MAP3K4: variants seen among roughly 807,000 people sequenced by gnomAD.
MAP3K4 encodes mitogen-activated protein kinase kinase kinase 4, also known as MAP three kinase 1.
In MAP3K4, 67 loss-of-function variants were observed where a neutral mutation model predicts 185.6. That is an observed-to-expected ratio of 0.36 (90% CI 0.30 to 0.44). The LOEUF (loss-of-function observed/expected upper bound fraction) is 0.44. Ranked by LOEUF, MAP3K4 falls within the 20% of genes least tolerant of loss-of-function variation. The pLI is 1.00. For missense variants in MAP3K4, 1,551 were observed against 1,995.1 expected (o/e 0.78, Z 4.24); for synonymous variants, 702 against 710.4 (o/e 0.99, Z 0.19).
rs560889066 is a variant in MAP3K4, at chr6:161,008,220, T to A, written c.152+16137T>A. On this transcript the variant is annotated intron_variant, in intron 1 of 26. Coordinates refer to ENST00000392142, the MANE Select transcript of MAP3K4 (RefSeq NM_005922.4). This position sits in a 1 kb window ranked among gnomAD's most constrained non-coding sequence, Gnocchi z 4.1. ...CACTGGGTGTTTTCTGATATTTCTC[T>A]TCTAGGAAGCTGTGATCTTAATTTA... 3.3e-5 allele frequency among the ~76,000 whole-genome samples: 5 copies of A among 152,332 alleles called. No homozygotes were observed. The highest frequency in any genetic ancestry group is 1.2e-4 in the African/African-American group (5 of 41,596).
chr6:161,059,780 T>G (rs1011293470), intron 3 of MAP3K4, among the ~76,000 whole-genome samples: 1 of 152,128 alleles, frequency 6.6e-6, no homozygotes, highest in African/African-American at 2.4e-5. Context: ...TTTTACACTT[T>G]GAATCAGTTT....
chr6:161,015,672 C>T (rs1315350447), intron 1 of MAP3K4, among the ~76,000 whole-genome samples: 4 of 151,970 alleles, frequency 2.6e-5, no homozygotes, highest in Admixed American at 6.5e-5. Context: ...TCATGTGGCA[C>T]GGAGGAAGCA....
chr6:161,109,715 A>G lies in MAP3K4; in HGVS notation c.4237-40A>G. Reference sequence around the variant, plus strand: ...ATTTTTCACTAGCGTACATCTAAGGAAAACCGTAAACACAGAGCTGCCCTT... The same window carrying G: ...ATTTTTCACTAGCGTACATCTAAGGGAAACCGTAAACACAGAGCTGCCCTT... On this transcript the variant is annotated intron_variant, in intron 22 of 26. Transcript: ENST00000392142. The surrounding 1 kb of genome is among the most constrained non-coding windows in gnomAD (Gnocchi z 5.7). 1.9e-6 allele frequency: 3 copies of G among 1,612,016 alleles called. No individual in the cohort carries two copies. Among genetic ancestry groups the G allele is most frequent in the Non-Finnish European group, 2.5e-6 (3 of 1,178,480 alleles).
At chr6:161,044,019 G>A (rs1413619745) in intron 2 of MAP3K4, among the ~76,000 whole-genome samples, 2 of 152,134 alleles carry the variant, frequency 1.3e-5, no homozygotes, top group African/African-American at 2.4e-5. Flanking sequence ...TCTTATATCC[G>A]TCAGATGAAC....
intron 1 of MAP3K4, among the ~76,000 whole-genome samples, chr6:161,004,314 T>C (rs1250780422): frequency 6.6e-6 from 1 of 152,160 alleles, no homozygotes; most frequent in Non-Finnish European, 1.5e-5. Flanking sequence ...TAAATAGCAG[T>C]GTATCATTGT....
rs1303645797 is a variant in MAP3K4, at chr6:161,070,068, G to A, written c.1708-540G>A. ...TCATGCCAACCAGGTTGATCTTAAC[G>A]ATTTTTTAATTTTTCTGTCAGCATC... On this transcript the variant is annotated intron_variant, in intron 3 of 26. Coordinates refer to ENST00000392142, the MANE Select transcript of MAP3K4 (RefSeq NM_005922.4). This position sits in a 1 kb window ranked among gnomAD's most constrained non-coding sequence, Gnocchi z 4.5. Among the ~76,000 whole-genome samples the A allele has an allele frequency of 1.3e-5, 2 of 152,184 alleles. No individual in the cohort carries two copies. The highest frequency in any genetic ancestry group is 6.5e-5 in the Admixed American group (1 of 15,278).
chr6:161,006,258 T>C (rs565578480), intron 1 of MAP3K4, among the ~76,000 whole-genome samples: 5 of 152,354 alleles, frequency 3.3e-5, no homozygotes. Context: ...CTGAGCATTT[T>C]AGGACTATTC....
At position 161,098,401 on chromosome 6, in the gene MAP3K4, A is replaced by T. The variant is rs1039255778; in HGVS notation, c.3648A>T (p.Lys1216Asn). 1 of 1,613,542 alleles carries T rather than the reference A, an allele frequency of 6.2e-7. No homozygotes were observed. The highest frequency in any genetic ancestry group is 2.2e-5 in the East Asian group (1 of 44,850). Residue 1216 changes from lysine (K) to asparagine (N), a missense_variant, in exon 17 of 27, where the codon AAA (lysine) becomes AAT (asparagine). Physicochemically the swap from Lys to Asn is moderately conservative, Grantham distance 94. Around this residue, in one of 16 missense-constraint regions of MAP3K4, gnomAD observed 272 missense variants for 301.2 expected, o/e 0.90. Coordinates refer to ENST00000392142, the MANE Select transcript of MAP3K4 (RefSeq NM_005922.4). This position sits in a 1 kb window ranked among gnomAD's most constrained non-coding sequence, Gnocchi z 4.4. ...SPSGGDSVLP[K>N]SISSAHDTRG... ...CTGGTGGTGACTCTGTGCTGCCCAA[A>T]TCCATCAGCAGTGCCCATGATACCA...
At chr6:161,065,880 G>A (rs989323382) in intron 3 of MAP3K4, among the ~76,000 whole-genome samples, 1 of 140,704 alleles carries the variant, frequency 7.1e-6, no homozygotes, top group African/African-American at 2.6e-5. Context: ...GGAGCTTGCA[G>A]TGAGCCGAGA....
chr6:161,050,043 A>G (rs1048941986), intron 3 of MAP3K4, 64 bp downstream of exon 3: 15 of 1,444,114 alleles, frequency 1.0e-5, no homozygotes, highest in Non-Finnish European at 1.3e-5. Context: ...TGCAAATTAT[A>G]ATGTTGGTGT....
rs1785041242 is a variant in MAP3K4, at chr6:161,073,526, T to C, written c.2011T>C (p.Phe671Leu). Residue 671 changes from phenylalanine (F) to leucine (L), a missense_variant, in exon 5 of 27, where the codon TTC becomes CTC. By Grantham distance (22) the Phe-to-Leu change is conservative. Transcript: ENST00000392142. This position sits in a 1 kb window ranked among gnomAD's most constrained non-coding sequence, Gnocchi z 4.2. ...GGLLMKQYYQ[F>L]MLQEVLEDLE... ...CCTGCTGATGAAGCAGTACTACCAG[T>C]TCATGCTGCAGGAGGTTCTGGAGGA... is the stretch of plus-strand genomic sequence containing the variant. The C allele has an allele frequency of 1.2e-6, 2 of 1,613,838 alleles. No individual in the cohort carries two copies. Among genetic ancestry groups the C allele is most frequent in the Non-Finnish European group, 1.7e-6 (2 of 1,179,926 alleles).
chr6:161,068,748 G>A (rs1784810902), intron 3 of MAP3K4, among the ~76,000 whole-genome samples: 1 of 152,206 alleles, frequency 6.6e-6, no homozygotes, highest in Admixed American at 6.5e-5. Context: ...ACGTCTGCAT[G>A]TATGGTTCAA....
chr6:161,040,796 C>T (rs1176645893), intron 2 of MAP3K4, among the ~76,000 whole-genome samples: 1 of 152,194 alleles, frequency 6.6e-6, no homozygotes, highest in Non-Finnish European at 1.5e-5. Flanking sequence ...TCATAAATGT[C>T]AACAAGTTTG....
Position 160,991,899 on chromosome 6 carries a change from G to T in MAP3K4, c.-33G>T, listed in dbSNP as rs1780712231. 2.7e-6 allele frequency: 4 copies of T among 1,489,740 alleles called. No individual in the cohort carries two copies. The highest frequency in any genetic ancestry group is 3.5e-6 in the Non-Finnish European group (4 of 1,128,656). 92.3% of individuals were successfully genotyped at this position (1,489,740 alleles called of 1,614,324 possible). On this transcript the variant is annotated 5_prime_UTR_variant, in exon 1 of 27. Transcript: ENST00000392142. This position sits in a 1 kb window ranked among gnomAD's most constrained non-coding sequence, Gnocchi z 5.7. ...GCCCCGCGCCAGGCTGCAGCTTACTGCCCGCCGCGGCCATGCGGGGCTCCG... is the reference window on the plus strand; with the variant it reads ...GCCCCGCGCCAGGCTGCAGCTTACTTCCCGCCGCGGCCATGCGGGGCTCCG...
rs1490425698 is a variant in MAP3K4 at position 161,109,646 on chromosome 6, TAGAA to T, written c.4237-104_4237-101del. 13 of 1,113,760 alleles carry T rather than the reference TAGAA, an allele frequency of 1.2e-5. No individual in the cohort carries two copies. Among genetic ancestry groups the T allele is most frequent in the African/African-American group, 3.1e-5 (2 of 65,086 alleles). 69.0% of individuals were successfully genotyped at this position (1,113,760 alleles called of 1,614,324 possible). ...CAGGATGGCAAGTGTAGTATACCGT[TAGAA>T]AGAACATTCCTTTGGGGTGTGGCCT... On this transcript the variant is annotated intron_variant, in intron 22 of 26. Transcript: ENST00000392142. The surrounding 1 kb of genome is among the most constrained non-coding windows in gnomAD (Gnocchi z 5.7).
At chr6:161,018,896 C>T (rs374689230) in intron 1 of MAP3K4, among the ~76,000 whole-genome samples, 3 of 152,200 alleles carry the variant, frequency 2.0e-5, no homozygotes, top group African/African-American at 4.8e-5. Flanking sequence ...AAATACGTTA[C>T]GTGAAATGAT....
chr6:161,093,925 C>A lies in MAP3K4; in HGVS notation c.3427+74C>A, dbSNP rs886963846. ...GGACAGATCCTCTTGTAATTGCAGT[C>A]GTTTAAAATGGTATAAGAGGTGTTT... is the stretch of plus-strand genomic sequence containing the variant. On this transcript the variant is annotated intron_variant, in intron 15 of 26. Coordinates refer to ENST00000392142, the MANE Select transcript of MAP3K4 (RefSeq NM_005922.4). This position sits in a 1 kb window ranked among gnomAD's most constrained non-coding sequence, Gnocchi z 5.2. 5 of 1,119,266 alleles carry A rather than the reference C, an allele frequency of 4.5e-6. No individual in the cohort carries two copies. In the South Asian group the frequency reaches 5.2e-5, roughly 12 times the overall value. The allele number at this position is 1,119,266 out of a possible 1,614,324, so 69.3% of individuals were successfully genotyped here. A position where few individuals can be genotyped will look rare whatever the true frequency, so the allele number is the denominator to read the frequency against.
At chr6:161,012,648 C>T (rs1371557263) in intron 1 of MAP3K4, among the ~76,000 whole-genome samples, 6 of 151,976 alleles carry the variant, frequency 3.9e-5, no homozygotes, top group African/African-American at 1.5e-4. Flanking sequence ...TGCAGAATAC[C>T]GGGAATCTGG....
rs1012194080 is a variant in MAP3K4, at chr6:161,021,322, T to G, written c.153-12937T>G. 5.7e-4 allele frequency among the ~76,000 whole-genome samples: 86 copies of G among 152,202 alleles called. 2 individuals are homozygous for G. The highest frequency in any genetic ancestry group is 9.8e-4 in the Admixed American group (15 of 15,276). On this transcript the variant is annotated intron_variant, in intron 1 of 26. Transcript: ENST00000392142. ...AAGACATAACGTAGTCTGTTCCTGC[T>G]CCTGCCTGCTGCTTCTGGGACTCGG... is the stretch of plus-strand genomic sequence containing the variant.
Sources: allele counts gnomAD v4.1 joint callset (sites outside exome capture counted in the v4.1 genomes callset), GRCh38; gene constraint gnomAD v4.1.1; regional missense constraint gnomAD v4.1.1; non-coding constraint Gnocchi (gnomAD v3.1); transcripts MANE v1.5; gene names NCBI Gene and HGNC (gene_info 2026-07-23, HGNC 2026-07-21).